Variants in CDH10 observed in about 807,000 individuals in gnomAD.
The protein encoded by CDH10 is cadherin 10.
A neutral mutation model predicts 73.1 loss-of-function variants in CDH10; 30 were observed. That is an observed-to-expected ratio of 0.41 (90% confidence interval 0.31 to 0.56). The LOEUF (loss-of-function observed/expected upper bound fraction) is 0.56, where lower values mean the gene tolerates loss of function less well. CDH10 is among the 20% of genes least tolerant of loss of function. The pLI is 0.27. For missense variants in CDH10, 815 were observed against 973.7 expected, an observed-to-expected ratio of 0.84 and a Z score of 2.17; for synonymous variants, 345 against 348.2, an observed-to-expected ratio of 0.99 and a Z score of 0.10.
chr5:24,508,601 C>A (rs1457673058), intron 7 of CDH10, among the ~76,000 whole-genome samples: 1 of 152,110 alleles, frequency 6.6e-6, no homozygotes, highest in Non-Finnish European at 1.5e-5. Context: ...TCATGGCAAC[C>A]TTGACCTCCT....
chr5:24,622,552 C>T (rs962445908), intron 1 of CDH10, among the ~76,000 whole-genome samples: 3 of 152,082 alleles, frequency 2.0e-5, no homozygotes, highest in Non-Finnish European at 4.4e-5. Context: ...AATGGATTAC[C>T]ATTCTAAAGC....
chr5:24,551,968 A>T (rs1048212448), intron 2 of CDH10, among the ~76,000 whole-genome samples: 1 of 152,060 alleles, frequency 6.6e-6, no homozygotes, highest in Non-Finnish European at 1.5e-5. Flanking sequence ...TCCATTTTTG[A>T]CATGGATTTT....
intron 1 of CDH10, among the ~76,000 whole-genome samples, chr5:24,608,022 T>A (rs964526319): frequency 1.3e-5 from 2 of 152,206 alleles, no homozygotes; most frequent in African/African-American, 4.8e-5. Flanking sequence ...TACTGAAATA[T>A]CCTTGGCTAG....
chr5:24,575,401 C>G (rs1019339609), intron 2 of CDH10, among the ~76,000 whole-genome samples: 1 of 150,638 alleles, frequency 6.6e-6, no homozygotes, highest in African/African-American at 2.4e-5. Flanking sequence ...CTCCTGCATC[C>G]TCAGTCTGTA....
intron 2 of CDH10, among the ~76,000 whole-genome samples, chr5:24,580,818 C>G (rs1745773332): frequency 6.6e-6 from 1 of 152,116 alleles, no homozygotes; most frequent in Non-Finnish European, 1.5e-5. Context: ...GGAGACTCCG[C>G]TTCCTTGCCT....
At chr5:24,494,244 A>G (rs1280345756) in intron 9 of CDH10, among the ~76,000 whole-genome samples, 2 of 151,980 alleles carry the variant, frequency 1.3e-5, no homozygotes, top group Non-Finnish European at 2.9e-5. Context: ...AAGCAAGAAT[A>G]TAAATCTATT....
intron 8 of CDH10, among the ~76,000 whole-genome samples, chr5:24,501,472 A>T (rs1742492621): frequency 6.6e-6 from 1 of 152,206 alleles, no homozygotes; most frequent in Non-Finnish European, 1.5e-5. Context: ...GAAGAATCAA[A>T]CTGAATAGCA....
intron 2 of CDH10, among the ~76,000 whole-genome samples, chr5:24,584,252 A>G (rs1026844552): frequency 6.6e-6 from 1 of 152,132 alleles, no homozygotes; most frequent in African/African-American, 2.4e-5. Context: ...AATTATACCA[A>G]TATTTTCTTC....
chr5:24,539,168 A>G (rs927949657), intron 2 of CDH10, among the ~76,000 whole-genome samples: 1 of 151,988 alleles, frequency 6.6e-6, no homozygotes, highest in Non-Finnish European at 1.5e-5. Context: ...AGAATTCGAG[A>G]CAATAATCTT....
At chr5:24,622,085 G>A (rs1478950687) in intron 1 of CDH10, among the ~76,000 whole-genome samples, 6 of 152,158 alleles carry the variant, frequency 3.9e-5, no homozygotes, top group Non-Finnish European at 7.3e-5. Context: ...AGACTAACAC[G>A]ATCTCATTTA....
intron 2 of CDH10, among the ~76,000 whole-genome samples, chr5:24,545,501 G>T (rs571475049): frequency 8.1e-4 from 123 of 152,148 alleles, no homozygotes; most frequent in African/African-American, 2.8e-3. Flanking sequence ...GCAGGTGAGG[G>T]CTCAGTGTAA....
chr5:24,566,973 C>G (rs1032505941), intron 2 of CDH10, among the ~76,000 whole-genome samples: 4 of 151,948 alleles, frequency 2.6e-5, no homozygotes, highest in African/African-American at 9.7e-5. Context: ...AATATATAAA[C>G]TCTTATAACA....
intron 1 of CDH10, among the ~76,000 whole-genome samples, chr5:24,604,187 A>G (rs1746671351): frequency 1.3e-5 from 2 of 152,118 alleles, no homozygotes; most frequent in Non-Finnish European, 2.9e-5. Flanking sequence ...CATATCTACA[A>G]AAAAATTTAA....
rs147367870 is a variant in CDH10, at chr5:24,521,745, A to G, written c.815-10231T>C. The stretch of plus-strand genomic sequence containing the variant: ...TGAATATTAAAAACATAATCATTGA[A>G]GTTAAGAAAATAATGGATGGGTTAA... On this transcript the variant is annotated intron_variant, in intron 5 of 11. Transcript: ENST00000264463. Among the ~76,000 whole-genome samples the G allele has an allele frequency of 2.5e-3, 381 of 152,340 alleles. 4 individuals carry two copies. The highest frequency in any genetic ancestry group is 2.6e-3 in the Non-Finnish European group (180 of 68,034).
intron 7 of CDH10, among the ~76,000 whole-genome samples, chr5:24,505,529 T>G (rs1254327995): frequency 6.6e-6 from 1 of 152,210 alleles, no homozygotes; most frequent in Admixed American, 6.5e-5. Context: ...TTTGATATAT[T>G]TGGTCACAAA....
At chr5:24,526,087 T>A (rs1433153536) in intron 5 of CDH10, among the ~76,000 whole-genome samples, 1 of 152,022 alleles carries the variant, frequency 6.6e-6, no homozygotes, top group East Asian at 1.9e-4. Context: ...CTAAAAACTC[T>A]GCAACAACAG....
intron 1 of CDH10, among the ~76,000 whole-genome samples, chr5:24,610,892 C>G (rs1208524660): frequency 6.6e-6 from 1 of 152,138 alleles, no homozygotes; most frequent in Non-Finnish European, 1.5e-5. Context: ...CTGAAGGCTA[C>G]AAGGTACAAT....
intron 2 of CDH10, among the ~76,000 whole-genome samples, chr5:24,584,110 G>A (rs1745896694): frequency 6.6e-6 from 1 of 152,088 alleles, no homozygotes; most frequent in Non-Finnish European, 1.5e-5. Context: ...AAGATAATTG[G>A]AACTACCTCA....
chr5:24,591,027 G>T (rs1746183171), intron 2 of CDH10, among the ~76,000 whole-genome samples: 1 of 151,892 alleles, frequency 6.6e-6, no homozygotes, highest in African/African-American at 2.4e-5. Context: ...AATATGTGGG[G>T]GATTTTAAGT....
Sources: gnomAD v4.1 joint callset for allele counts (sites outside exome capture counted in the v4.1 genomes callset) on GRCh38, gnomAD v4.1.1 for gene constraint, MANE v1.5 for transcripts, NCBI Gene and HGNC (gene_info 2026-07-23, HGNC 2026-07-21) for gene names.